LRRC14B: variants seen among roughly 807,000 people sequenced by gnomAD.
LRRC14B encodes leucine-rich repeat-containing protein 14B.
A neutral mutation model predicts 16.9 loss-of-function variants in LRRC14B; 23 were observed. The observed-to-expected ratio is 1.36, with a 90% CI of 0.98 to 1.92. The LOEUF is 1.92. Among genes scored for constraint, LRRC14B ranks in the 30% most tolerant of loss-of-function variants. The pLI is 0.00. For missense variants in LRRC14B, 766 were observed against 705.7 expected (o/e 1.09, Z -0.97); for synonymous variants, 358 against 332.5 (o/e 1.08, Z -0.83).
At position 195,183 on chromosome 5, in the gene LRRC14B, C is replaced by A; in HGVS notation, c.1375C>A (p.Arg459Ser). 1 of 1,613,904 alleles carries A rather than the reference C, an allele frequency of 6.2e-7. No homozygotes were observed. Among genetic ancestry groups the A allele is most frequent in the Non-Finnish European group, 8.5e-7 (1 of 1,179,904 alleles). ...QKYDEIAEEL[R>S]AVLLRADRED... ...ATACGACGAGATCGCCGAGGAGCTG[C>A]GTGCCGTGCTGCTGCGGGCTGACCG... Residue 459 changes from arginine (R) to serine (S), a missense_variant, in exon 2 of 2, where the codon CGT (arginine) becomes AGT (serine). By Grantham distance (110) the Arg-to-Ser change is moderately radical (BLOSUM62 -1). Coordinates refer to ENST00000328278, the MANE Select transcript of LRRC14B (RefSeq NM_001080478.3).
In LRRC14B at chr5:191,672, A is replaced by G; in HGVS notation, c.134A>G (p.Glu45Gly). 6.2e-7 allele frequency: 1 copy of G among 1,604,988 alleles called. No individual in the cohort carries two copies. Among genetic ancestry groups the G allele is most frequent in the Non-Finnish European group, 8.5e-7 (1 of 1,176,308 alleles). ...PLLFKASYLL[E>G]QAEVTRAVLG... ...CTGTTCAAAGCCAGCTACCTGCTGG[A>G]GCAGGCGGAGGTGACGCGCGCGGTG... is the stretch of plus-strand genomic sequence containing the variant. The change falls in exon 1 of 2, where the codon GAG becomes GGG. Residue 45 changes from glutamate (E) to glycine (G), a missense_variant. Coordinates refer to ENST00000328278, the MANE Select transcript of LRRC14B (RefSeq NM_001080478.3).
Position 191,557 on chromosome 5 carries a change from C to G in LRRC14B, c.19C>G (p.Leu7Val), listed in dbSNP as rs1733788689. 1 of 1,612,024 alleles carries G rather than the reference C, an allele frequency of 6.2e-7. No homozygotes were observed. The highest frequency in any genetic ancestry group is 2.2e-5 in the East Asian group (1 of 44,850). Residue 7 changes from leucine to valine, a missense_variant, in exon 1 of 2, where the codon CTC becomes GTC. Coordinates refer to ENST00000328278, the MANE Select transcript of LRRC14B (RefSeq NM_001080478.3). ...TCGGGCCATGGACACAATGAGGTCA[C>G]TCCGCTTCATTTCTGCAGAAGCTCT... MDTMRS[L>V]RFISAEALVS...
intron 1 of LRRC14B, among the ~76,000 whole-genome samples, chr5:192,826 G>C (rs976119637): frequency 2.0e-5 from 3 of 152,174 alleles, no homozygotes; most frequent in Non-Finnish European, 4.4e-5. Context: ...TGAGCCTGTC[G>C]GTGCCTTTGG....
intron 1 of LRRC14B, among the ~76,000 whole-genome samples, chr5:193,291 G>A (rs547451250): frequency 1.1e-4 from 17 of 149,396 alleles, no homozygotes; most frequent in East Asian, 6.0e-4. Flanking sequence ...CGGTGGGTCC[G>A]GGGGGCACCC....
intron 1 of LRRC14B, among the ~76,000 whole-genome samples, chr5:192,878 G>A (rs148943690): frequency 6.6e-6 from 1 of 152,166 alleles, no homozygotes; most frequent in African/African-American, 2.4e-5. Flanking sequence ...TCATCCGAAG[G>A]CCTGACAGGG....
rs1733887293 is a variant in LRRC14B, at chr5:195,045, T to A, written c.1237T>A (p.Cys413Ser). 1 of 1,613,524 alleles carries A rather than the reference T, an allele frequency of 6.2e-7. No individual in the cohort carries two copies. Among genetic ancestry groups the A allele is most frequent in the African/African-American group, 1.3e-5 (1 of 75,064 alleles). ...RALRRLFTALCELPELRCIEF... is the reference protein window; with the variant it reads ...RALRRLFTALSELPELRCIEF... Reference sequence around the variant, plus strand: ...CCTCCGGCGCCTCTTCACCGCACTCTGTGAGCTCCCCGAGCTGCGCTGCAT... The same window carrying A: ...CCTCCGGCGCCTCTTCACCGCACTCAGTGAGCTCCCCGAGCTGCGCTGCAT... Residue 413 changes from cysteine (C) to serine (S), a missense_variant, in exon 2 of 2, where the codon TGT becomes AGT. By Grantham distance (112) the Cys-to-Ser change is moderately radical. Coordinates refer to ENST00000328278, the MANE Select transcript of LRRC14B (RefSeq NM_001080478.3).
intron 1 of LRRC14B, among the ~76,000 whole-genome samples, chr5:193,398 C>T (rs1285659352): frequency 2.6e-5 from 1 of 39,008 alleles, no homozygotes; most frequent in African/African-American, 1.1e-4. Flanking sequence ...TCCTCAGGTG[C>T]TGGGGGGTGC....
At chr5:193,938 C>T (rs901554757) in intron 1 of LRRC14B, among the ~76,000 whole-genome samples, 21 of 152,072 alleles carry the variant, frequency 1.4e-4, no homozygotes, top group Non-Finnish European at 2.5e-4. Flanking sequence ...GGAGATCTCC[C>T]TTAGCTCAGA....
At position 194,584 on chromosome 5, in the gene LRRC14B, G is replaced by A. The variant is rs535214365; in HGVS notation, c.900-124G>A. The A allele has an allele frequency of 1.5e-4, 123 of 819,462 alleles. No individual in the cohort carries two copies. In the South Asian group the frequency reaches 1.9e-3, roughly 13 times the overall value. The allele number at this position is 819,462 out of a possible 1,614,324, so 50.8% of individuals were successfully genotyped here. On this transcript the variant is annotated intron_variant, in intron 1 of 1. Transcript: ENST00000328278. Reference sequence around the variant, plus strand: ...GCTCATAGGCTGTATGAAATTAGGCGGTGGTTGGACGTGACTGTGTGTTGA... The same window carrying A: ...GCTCATAGGCTGTATGAAATTAGGCAGTGGTTGGACGTGACTGTGTGTTGA...
At chr5:192,484 C>T in intron 1 of LRRC14B, 47 bp downstream of exon 1, 2 of 1,452,188 alleles carry the variant, frequency 1.4e-6, no homozygotes, top group Non-Finnish European at 1.8e-6. Flanking sequence ...GCTGCAGAGG[C>T]AAGGAGAGAT....
rs139647895 is a variant in LRRC14B at position 195,487 on chromosome 5, T to C, written c.*134T>C. On this transcript the variant is annotated 3_prime_UTR_variant, in exon 2 of 2. Transcript: ENST00000328278. Reference sequence around the variant, plus strand: ...CACCAAAAGCAGTTCTTAGTGAAAATTGTAGGCGAGCCTGTTAAGCGTTGT... The same window carrying C: ...CACCAAAAGCAGTTCTTAGTGAAAACTGTAGGCGAGCCTGTTAAGCGTTGT... The C allele has an allele frequency of 3.5e-4, 309 of 890,208 alleles. 2 individuals carry two copies. In the East Asian group the frequency reaches 8.1e-3, roughly 23 times the overall value. 55.1% of individuals were successfully genotyped at this position (890,208 alleles called of 1,614,324 possible).
rs368290898 is a variant in LRRC14B, at chr5:191,594, C to A, written c.56C>A (p.Pro19His). 1.2e-6 allele frequency: 2 copies of A among 1,612,126 alleles called. No individual in the cohort carries two copies. The highest frequency in any genetic ancestry group is 8.5e-7 in the Non-Finnish European group (1 of 1,179,566). ...TCTGCAGAAGCTCTGGTGTCCCACC[C>A]CCAGGTGGCCCGGCAGAGCCTGGAC... ...FISAEALVSH[P>H]QVARQSLDSV... The change falls in exon 1 of 2, where the codon CCC (proline) becomes CAC (histidine). Residue 19 changes from proline (P) to histidine (H), a missense_variant. Transcript: ENST00000328278.
intron 1 of LRRC14B, among the ~76,000 whole-genome samples, chr5:192,719 G>A (rs1733832335): frequency 6.6e-6 from 1 of 152,236 alleles, no homozygotes; most frequent in African/African-American, 2.4e-5. Flanking sequence ...CGAAACAGAA[G>A]TGCCTACGTG....
chr5:193,184 G>C (rs1733841243), intron 1 of LRRC14B, among the ~76,000 whole-genome samples: 1 of 151,462 alleles, frequency 6.6e-6, no homozygotes, highest in Admixed American at 6.6e-5. Context: ...CCTGGCAATG[G>C]GTGCTGGGAG....
chr5:192,288 C>A lies in LRRC14B; in HGVS notation c.750C>A (p.Ala250=). Residue 250 remains alanine (A), a synonymous_variant, in exon 1 of 2, where the codon GCC becomes GCA. Coordinates refer to ENST00000328278, the MANE Select transcript of LRRC14B (RefSeq NM_001080478.3). The stretch of plus-strand genomic sequence containing the variant: ...CCTCGCTCACCCTGCCCACCAAGGC[C>A]TTTGATGCACCCCCCACCTACGCCT... ...RLASLTLPTK[A]FDAPPTYAST... 6.2e-7 allele frequency: 1 copy of A among 1,600,420 alleles called. No individual in the cohort carries two copies. The highest frequency in any genetic ancestry group is 2.3e-5 in the East Asian group (1 of 43,772).
rs764573458 is a variant in LRRC14B at position 194,695 on chromosome 5, C to T, written c.900-13C>T. 3.2e-6 allele frequency: 5 copies of T among 1,584,830 alleles called. No individual in the cohort carries two copies. The highest frequency in any genetic ancestry group is 4.3e-6 in the Non-Finnish European group (5 of 1,164,614). ...CCTCCTCTCACCTGTGCTCTTTCCCCCGTGTCCTGCAGCCCCCTACAGACC... is the reference window on the plus strand; with the variant it reads ...CCTCCTCTCACCTGTGCTCTTTCCCTCGTGTCCTGCAGCCCCCTACAGACC... On this transcript the variant is annotated splice_polypyrimidine_tract_variant and intron_variant, in intron 1 of 1. Coordinates refer to ENST00000328278, the MANE Select transcript of LRRC14B (RefSeq NM_001080478.3).
chr5:195,726 G>T lies in LRRC14B; in HGVS notation c.*373G>T, dbSNP rs149763084. 50 of 276,914 alleles carry T rather than the reference G, an allele frequency of 1.8e-4. No individual in the cohort carries two copies. Among genetic ancestry groups the T allele is most frequent in the African/African-American group, 1.0e-3 (47 of 45,194 alleles). 17.2% of individuals were successfully genotyped at this position (276,914 alleles called of 1,614,324 possible). ...CTGGGCGCAAGATGAAGCTTCAGGG[G>T]GCAGATGTGACTGGGCTCCACAGCA... On this transcript the variant is annotated 3_prime_UTR_variant, in exon 2 of 2. Transcript: ENST00000328278.
chr5:192,516 C>A (rs1733826965), intron 1 of LRRC14B, 79 bp downstream of exon 1: 2 of 1,356,344 alleles, frequency 1.5e-6, no homozygotes, highest in Non-Finnish European at 1.9e-6. Context: ...CTGCTCATGT[C>A]CAAGGCCATG....
rs572649030 is a variant in LRRC14B at position 196,224 on chromosome 5, A to C, written c.*871A>C. 6 of 152,340 alleles carry C rather than the reference A, an allele frequency of 3.9e-5. No homozygotes were observed. The highest frequency in any genetic ancestry group is 2.1e-4 in the South Asian group (1 of 4,830). The allele number at this position is 152,340 out of a possible 1,614,324, so 9.4% of individuals were successfully genotyped here. A position where few individuals can be genotyped will look rare whatever the true frequency, so the allele number is the denominator to read the frequency against. ...ACTTGACCAGCCCCTGGAGGAGCTG[A>C]CAACCACCTAAGACACATTTGGACT... On this transcript the variant is annotated 3_prime_UTR_variant, in exon 2 of 2. Transcript: ENST00000328278.
Sources: gnomAD v4.1 joint callset for allele counts (sites outside exome capture counted in the v4.1 genomes callset) on GRCh38, gnomAD v4.1.1 for gene constraint, MANE v1.5 for transcripts, NCBI Gene and HGNC (gene_info 2026-07-23, HGNC 2026-07-21) for gene names.